The following WWOX variants were observed in gnomAD, a reference collection of about 807,000 sequenced individuals.
The protein encoded by WWOX is WW domain-containing oxidoreductase.
A neutral mutation model predicts 46.2 loss-of-function variants in WWOX; 69 were observed. The observed-to-expected ratio is 1.49, with a 90% CI of 1.23 to 1.82. WWOX has a LOEUF of 1.82. WWOX is among the 40% of genes most tolerant of loss of function. WWOX has a pLI of 0.00. For missense variants in WWOX, 919 were observed against 542.6 expected (o/e 1.69, Z -6.89); for synonymous variants, 359 against 202.6 (o/e 1.77, Z -6.56).
chr16:78,139,616 G>A (rs2033917746), intron 4 of WWOX, among the ~76,000 whole-genome samples: 1 of 152,208 alleles, frequency 6.6e-6, no homozygotes. Context: ...CTGCACTCCA[G>A]CCCAGGCGAT....
At chr16:78,910,109 T>C (rs1382307249) in intron 8 of WWOX, among the ~76,000 whole-genome samples, 2 of 151,600 alleles carry the variant, frequency 1.3e-5, no homozygotes, top group African/African-American at 4.9e-5. Context: ...TGATCGTTTG[T>C]GCTTTGTTAA....
At chr16:78,453,172 C>A (rs1438274511) in intron 8 of WWOX, among the ~76,000 whole-genome samples, 1 of 152,092 alleles carries the variant, frequency 6.6e-6, no homozygotes, top group East Asian at 1.9e-4. Flanking sequence ...TTCTGTAATC[C>A]TAGCACTTTG....
At chr16:78,928,687 A>C (rs2045556080) in intron 8 of WWOX, among the ~76,000 whole-genome samples, 1 of 152,152 alleles carries the variant, frequency 6.6e-6, no homozygotes, top group Non-Finnish European at 1.5e-5. Flanking sequence ...AGGAAAGAAA[A>C]TGTGATCAGT....
intron 6 of WWOX, among the ~76,000 whole-genome samples, chr16:78,388,808 A>G (rs1323706558): frequency 6.6e-6 from 1 of 151,844 alleles, no homozygotes; most frequent in African/African-American, 2.4e-5. Flanking sequence ...CGTCTCTACT[A>G]AAAATGCAAA....
chr16:78,810,031 G>A (rs2051145822), intron 8 of WWOX, among the ~76,000 whole-genome samples: 1 of 152,148 alleles, frequency 6.6e-6, no homozygotes, highest in Non-Finnish European at 1.5e-5. Context: ...GAAAAATGTT[G>A]AAGTTTCCAT....
intron 8 of WWOX, among the ~76,000 whole-genome samples, chr16:78,433,372 C>T (rs568449133): frequency 2.6e-5 from 4 of 152,188 alleles, no homozygotes; most frequent in South Asian, 2.1e-4. Context: ...GTTTGGTGTT[C>T]ATTTATCGAC....
chr16:79,175,790 G>A (rs1165611403), intron 8 of WWOX, among the ~76,000 whole-genome samples: 2 of 152,168 alleles, frequency 1.3e-5, no homozygotes, highest in Non-Finnish European at 2.9e-5. Context: ...CTCCAACTCT[G>A]TTTGGTCCCA....
chr16:78,565,401 T>G (rs565795400), intron 8 of WWOX, among the ~76,000 whole-genome samples: 1 of 152,322 alleles, frequency 6.6e-6, no homozygotes, highest in East Asian at 1.9e-4. Flanking sequence ...AGAGGCCTCC[T>G]GCATTCCTTG....
Position 79,170,154 on chromosome 16 carries a change from A to C in WWOX, c.1057-41454A>C, listed in dbSNP as rs549298274. Among the ~76,000 whole-genome samples, 283 of 152,326 alleles carry C rather than the reference A, an allele frequency of 1.9e-3. 1 individual carries two copies. The highest frequency in any genetic ancestry group is 3.7e-3 in the Non-Finnish European group (250 of 68,020). On this transcript the variant is annotated intron_variant, in intron 8 of 8. Coordinates refer to ENST00000566780, the MANE Select transcript of WWOX (RefSeq NM_016373.4). ...TTGCTATCATGTCCTTCAATAACCC[A>C]GTCTAACCATGTTTTTCCAGTGGAA...
chr16:78,426,062 A>C (rs1317598333), intron 7 of WWOX, among the ~76,000 whole-genome samples: 1 of 152,168 alleles, frequency 6.6e-6, no homozygotes, highest in Admixed American at 6.5e-5. Context: ...CTGCAGATAG[A>C]TTTACTTTTG....
At chr16:78,509,236 C>G (rs956483566) in intron 8 of WWOX, among the ~76,000 whole-genome samples, 9 of 152,176 alleles carry the variant, frequency 5.9e-5, no homozygotes, top group Non-Finnish European at 1.2e-4. Context: ...GTCAGAAATT[C>G]AAGACCAGCC....
chr16:78,276,266 C>T (rs2079576419), intron 5 of WWOX, among the ~76,000 whole-genome samples: 1 of 152,184 alleles, frequency 6.6e-6, no homozygotes, highest in Non-Finnish European at 1.5e-5. Flanking sequence ...CTCCCAGCCT[C>T]AGTTTCCCTG....
intron 8 of WWOX, among the ~76,000 whole-genome samples, chr16:78,796,219 A>G (rs1424091024): frequency 1.3e-5 from 2 of 152,180 alleles, no homozygotes; most frequent in East Asian, 3.9e-4. Flanking sequence ...TGAAGTAACA[A>G]TTAGTATAGA....
At chr16:78,616,577 C>G (rs1309271891) in intron 8 of WWOX, among the ~76,000 whole-genome samples, 1 of 151,806 alleles carries the variant, frequency 6.6e-6, no homozygotes, top group African/African-American at 2.4e-5. Flanking sequence ...CGAGACCAGC[C>G]TGGCTGACAT....
chr16:79,100,909 G>A (rs1019933711), intron 8 of WWOX, among the ~76,000 whole-genome samples: 1 of 151,962 alleles, frequency 6.6e-6, no homozygotes, highest in Non-Finnish European at 1.5e-5. Context: ...TTTGTATGTT[G>A]CACCCAACGG....
chr16:78,782,366 A>G (rs1372104451), intron 8 of WWOX, among the ~76,000 whole-genome samples: 2 of 152,102 alleles, frequency 1.3e-5, no homozygotes, highest in Admixed American at 1.3e-4. Flanking sequence ...TGTTTTTGCC[A>G]CAGCTTCTAG....
At chr16:78,923,707 G>C (rs1490484698) in intron 8 of WWOX, among the ~76,000 whole-genome samples, 2 of 149,404 alleles carry the variant, frequency 1.3e-5, no homozygotes, top group East Asian at 4.0e-4. Context: ...AGAAAAAGTA[G>C]TTTTTATCTG....
At chr16:78,989,468 G>C (rs1300024815) in intron 8 of WWOX, among the ~76,000 whole-genome samples, 1 of 152,170 alleles carries the variant, frequency 6.6e-6, no homozygotes, top group Non-Finnish European at 1.5e-5. Context: ...CTTGCAGGCT[G>C]GGGATCCCTG....
intron 5 of WWOX, among the ~76,000 whole-genome samples, chr16:78,384,912 G>C (rs907710631): frequency 6.6e-6 from 1 of 152,044 alleles, no homozygotes; most frequent in African/African-American, 2.4e-5. Context: ...GGGGTGGGTG[G>C]ATCACAAGGT....
Sources: allele counts gnomAD v4.1 joint callset (sites outside exome capture counted in the v4.1 genomes callset), GRCh38; gene constraint gnomAD v4.1.1; transcripts MANE v1.5; gene names NCBI Gene and HGNC (gene_info 2026-07-23, HGNC 2026-07-21).